Variants in STXBP5 observed in about 807,000 individuals in gnomAD.
STXBP5 encodes the protein syntaxin binding protein 5, also known as syntaxin-binding protein 5.
STXBP5 carries 50 observed loss-of-function variants against 152.4 expected under a neutral mutation model. The ratio of observed to expected loss-of-function variants is 0.33; its 90% CI spans 0.26 to 0.42. STXBP5 has a LOEUF of 0.42. STXBP5 is among the 10% of genes least tolerant of loss of function. The pLI, the probability that STXBP5 is intolerant of heterozygous loss-of-function variation, is 1.00. For synonymous variants in STXBP5, 492 were observed against 494.7 expected, an observed-to-expected ratio of 0.99 and a Z score of 0.07; for missense variants, 1,167 against 1,388.6, an observed-to-expected ratio of 0.84 and a Z score of 2.54.
At chr6:147,340,469 G>A (rs1784040333) in intron 21 of STXBP5, among the ~76,000 whole-genome samples, 1 of 151,938 alleles carries the variant, frequency 6.6e-6, no homozygotes, top group Admixed American at 6.6e-5. Context: ...TTTGGTAATA[G>A]TTAAATCACT....
At chr6:147,291,528 A>G (rs780013498) in intron 9 of STXBP5, among the ~76,000 whole-genome samples, 14 of 152,142 alleles carry the variant, frequency 9.2e-5, no homozygotes, top group Non-Finnish European at 1.9e-4. Flanking sequence ...TATTTTTACT[A>G]TATATGTTAT....
chr6:147,276,859 A>G (rs1430249678), intron 7 of STXBP5, among the ~76,000 whole-genome samples: 5 of 152,114 alleles, frequency 3.3e-5, no homozygotes, highest in Non-Finnish European at 5.9e-5. Context: ...ACCAAGACGT[A>G]ATAAGTAAAG....
chr6:147,206,053 C>T lies in STXBP5; in HGVS notation c.233C>T (p.Thr78Ile). The stretch of plus-strand genomic sequence containing the variant: ...AAGATCCTGGCAGTGGGAACTCAGA[C>T]TGGTGCTTTAAGGCTGTATCCTTTC... ...VQKILAVGTQ[T>I]GALRLFGRPG... The change falls in exon 2 of 28, where the codon ACT (threonine) becomes ATT (isoleucine). Residue 78 changes from threonine to isoleucine, a missense_variant. By Grantham distance (89) the Thr-to-Ile change is moderately conservative. Coordinates refer to ENST00000321680, the MANE Select transcript of STXBP5 (RefSeq NM_001127715.4). The T allele has an allele frequency of 1.2e-6, 2 of 1,613,834 alleles. No homozygotes were observed. The highest frequency in any genetic ancestry group is 1.7e-6 in the Non-Finnish European group (2 of 1,179,682).
At chr6:147,326,391 C>T (rs372912797) in intron 17 of STXBP5, among the ~76,000 whole-genome samples, 2 of 152,146 alleles carry the variant, frequency 1.3e-5, no homozygotes, top group East Asian at 3.9e-4. Context: ...TAAATCCATA[C>T]TTAGAGCTCC....
rs562493333 is a variant in STXBP5 at position 147,310,593 on chromosome 6, G to T, written c.1072+355G>T. On this transcript the variant is annotated intron_variant, in intron 10 of 27. Coordinates refer to ENST00000321680, the MANE Select transcript of STXBP5 (RefSeq NM_001127715.4). Reference sequence around the variant, plus strand: ...TAAGAAATTGGCTCACACTGTTGTGGGGGCTGGCCAGTCTGAAACCTGTAG... The same window carrying T: ...TAAGAAATTGGCTCACACTGTTGTGTGGGCTGGCCAGTCTGAAACCTGTAG... Among the ~76,000 whole-genome samples, 14 of 152,228 alleles carry T rather than the reference G, an allele frequency of 9.2e-5. No individual in the cohort carries two copies. The South Asian group carries it at 2.9e-3, about 32-fold the overall frequency.
At chr6:147,311,575 A>G (rs1484807451) in intron 11 of STXBP5, 48 bp downstream of exon 11, 2 of 1,426,798 alleles carry the variant, frequency 1.4e-6, no homozygotes, top group Non-Finnish European at 9.8e-7. Flanking sequence ...GTGGTTGAAA[A>G]AAGATGCCTT....
Position 147,204,793 on chromosome 6 carries a change from T to C in STXBP5, c.150+111T>C. On this transcript the variant is annotated intron_variant, in intron 1 of 27. Transcript: ENST00000321680. The surrounding 1 kb of genome is among the most constrained non-coding windows in gnomAD (Gnocchi z 4.3). The stretch of plus-strand genomic sequence containing the variant: ...CAAGGGAAGAGAACGCCAATAATAA[T>C]AATAATAACTCTAATAAAAGGCTCG... The C allele has an allele frequency of 3.4e-6, 4 of 1,189,544 alleles. No homozygotes were observed. Among genetic ancestry groups the C allele is most frequent in the Non-Finnish European group, 3.4e-6 (3 of 878,370 alleles). The allele number at this position is 1,189,544 out of a possible 1,614,324, so 73.7% of individuals were successfully genotyped here.
In STXBP5 at chr6:147,235,283, G is replaced by T. The variant is rs2115177409; in HGVS notation, c.282G>T (p.Gln94His). Residue 94 changes from glutamine (Q) to histidine (H), a missense_variant, in exon 3 of 28, where the codon CAG (glutamine) becomes CAT (histidine). Transcript: ENST00000321680. ...FGRPGVECYC[Q>H]HDSGAAVIQL... The stretch of plus-strand genomic sequence containing the variant: ...GTCCAGGAGTAGAATGTTATTGCCA[G>T]CATGACAGTGGAGCTGCAGTAATCC... The T allele has an allele frequency of 6.2e-7, 1 of 1,613,392 alleles. No individual in the cohort carries two copies. The highest frequency in any genetic ancestry group is 8.5e-7 in the Non-Finnish European group (1 of 1,179,508).
intron 8 of STXBP5, among the ~76,000 whole-genome samples, chr6:147,282,118 T>C (rs1381735177): frequency 6.6e-6 from 1 of 152,202 alleles, no homozygotes; most frequent in African/African-American, 2.4e-5. Context: ...TATATGGCTC[T>C]AGGAAGTGTA....
chr6:147,358,955 T>G, intron 22 of STXBP5, 129 bp from the exon 23 acceptor site: 1 of 1,079,786 alleles, frequency 9.3e-7, no homozygotes, highest in Non-Finnish European at 1.3e-6. Context: ...TAAAATGAAG[T>G]GAATATTAAA....
chr6:147,305,203 A>C (rs187238356), intron 9 of STXBP5, among the ~76,000 whole-genome samples: 1 of 152,316 alleles, frequency 6.6e-6, no homozygotes. Context: ...CAGCATTTAC[A>C]TACGTATTCA....
chr6:147,315,591 C>T lies in STXBP5; in HGVS notation c.1479C>T (p.Asn493=), dbSNP rs996669504. 6.2e-7 allele frequency: 1 copy of T among 1,613,856 alleles called. No homozygotes were observed. The highest frequency in any genetic ancestry group is 8.5e-7 in the Non-Finnish European group (1 of 1,179,876). ...EKSRNKDDRP[N]TDIVDEDPYA... is the part of the protein sequence containing the mutation. The stretch of plus-strand genomic sequence containing the variant: ...CAAGAAATAAAGATGACAGGCCAAA[C>T]ACAGACATTGTAGATGAAGATCCAT... Residue 493 remains asparagine (N), a synonymous_variant, in exon 15 of 28, where the codon AAC becomes AAT. Transcript: ENST00000321680.
chr6:147,344,003 T>C (rs1784205696), intron 21 of STXBP5, among the ~76,000 whole-genome samples: 1 of 152,200 alleles, frequency 6.6e-6, no homozygotes, highest in Non-Finnish European at 1.5e-5. Context: ...AGAAAATTAT[T>C]TCTTGCCCTT....
intron 7 of STXBP5, among the ~76,000 whole-genome samples, chr6:147,271,758 G>C (rs1466991344): frequency 6.6e-6 from 1 of 151,914 alleles, no homozygotes; most frequent in East Asian, 1.9e-4. Context: ...ATAGTAAGCT[G>C]AAGAACTGAA....
intron 19 of STXBP5, among the ~76,000 whole-genome samples, chr6:147,335,353 A>G (rs1783770604): frequency 6.6e-6 from 1 of 152,184 alleles, no homozygotes; most frequent in African/African-American, 2.4e-5. Context: ...CTTTCCTTCT[A>G]ACTACATAAA....
chr6:147,231,699 A>G (rs1003523910), intron 2 of STXBP5, among the ~76,000 whole-genome samples: 33 of 152,016 alleles, frequency 2.2e-4, no homozygotes, highest in Non-Finnish European at 2.5e-4. Flanking sequence ...TGTTCAGTGT[A>G]TAATCTTTTG....
At chr6:147,235,392 C>T in intron 3 of STXBP5, 61 bp downstream of exon 3, 1 of 1,360,472 alleles carries the variant, frequency 7.4e-7, no homozygotes, top group East Asian at 2.3e-5. Context: ...TCTAGTCTTT[C>T]AGATTTCTTA....
intron 21 of STXBP5, among the ~76,000 whole-genome samples, chr6:147,350,072 A>G (rs1210918388): frequency 6.6e-6 from 1 of 152,216 alleles, no homozygotes; most frequent in Non-Finnish European, 1.5e-5. Context: ...ATTAAAATTT[A>G]TATGACATTT....
chr6:147,237,847 A>G (rs1434424414), intron 3 of STXBP5, among the ~76,000 whole-genome samples: 2 of 152,140 alleles, frequency 1.3e-5, no homozygotes, highest in Non-Finnish European at 2.9e-5. Context: ...ACCCTAAAAG[A>G]TTGGTCTTGC....
Sources: gnomAD v4.1 joint callset for allele counts (sites outside exome capture counted in the v4.1 genomes callset) on GRCh38, gnomAD v4.1.1 for gene constraint, Gnocchi (gnomAD v3.1) non-coding constraint, MANE v1.5 for transcripts, NCBI Gene and HGNC (gene_info 2026-07-23, HGNC 2026-07-21) for gene names.